Variants in XRN2 observed in about 807,000 individuals in gnomAD.
The protein encoded by XRN2 is 5'-3' exoribonuclease 2, also known as DHM1-like protein.
In XRN2, 44 loss-of-function variants were observed where a neutral mutation model predicts 138.5. That is an observed-to-expected ratio of 0.32 (90% confidence interval 0.25 to 0.41). XRN2 has a LOEUF of 0.41. XRN2 is among the 10% of genes least tolerant of loss of function. The pLI is 1.00. For missense variants in XRN2, 937 were observed against 1,169.3 expected (o/e 0.80, Z 2.90); for synonymous variants, 354 against 369.4 (o/e 0.96, Z 0.48).
intron 1 of XRN2, among the ~76,000 whole-genome samples, chr20:21,319,017 TG>T (rs2038000382): frequency 6.6e-6 from 1 of 152,148 alleles, no homozygotes; most frequent in African/African-American, 2.4e-5. Context: ...CAGCTATCAT[TG>T]TTGAATTGCC....
chr20:21,334,965 A>G (rs1400460280), intron 13 of XRN2, among the ~76,000 whole-genome samples: 1 of 152,334 alleles, frequency 6.6e-6, no homozygotes, highest in East Asian at 1.9e-4. Flanking sequence ...AATGGAAGAT[A>G]CTTGAAACTA....
chr20:21,333,635 A>AT lies in XRN2; in HGVS notation c.933+19dup. ...CTTCGTGAGGTATGTAGCAATAATCATTGAAATCAGCACTCTAAAGCAGGG... is the reference window on the plus strand; with the variant it reads ...CTTCGTGAGGTATGTAGCAATAATCATTTGAAATCAGCACTCTAAAGCAGGG... On this transcript the variant is annotated intron_variant, in intron 10 of 29. Coordinates refer to ENST00000377191, the MANE Select transcript of XRN2 (RefSeq NM_012255.5). The AT allele has an allele frequency of 6.2e-7, 1 of 1,613,660 alleles. No individual in the cohort carries two copies. Among genetic ancestry groups the AT allele is most frequent in the Non-Finnish European group, 8.5e-7 (1 of 1,179,582 alleles).
rs1481820554 is a variant in XRN2 at position 21,331,565 on chromosome 20, T to C, written c.581T>C (p.Ile194Thr). The C allele has an allele frequency of 6.2e-7, 1 of 1,611,168 alleles. No individual in the cohort carries two copies. Among genetic ancestry groups the C allele is most frequent in the Non-Finnish European group, 8.5e-7 (1 of 1,179,378 alleles). The stretch of plus-strand genomic sequence containing the variant: ...GTGTTAACAATTTTTTTATAGGTTA[T>C]TTTATCTGATGCTAGTGCTCCTGGT... ...NDPGWKNLTV[I>T]LSDASAPGEG... Residue 194 changes from isoleucine to threonine, a missense_variant, in exon 7 of 30, where the codon ATT becomes ACT. Ile to Thr is a moderately conservative substitution (Grantham distance 89). Transcript: ENST00000377191.
Position 21,389,363 on chromosome 20 carries a change from C to G in XRN2, c.*25C>G, listed in dbSNP as rs756010189. ...AGCTTTTGTAAAGCTTTCCCAAATC[C>G]TTTCATCATTCTACAGTTTTATGCT... On this transcript the variant is annotated 3_prime_UTR_variant, in exon 30 of 30. Transcript: ENST00000377191. 1 of 1,600,096 alleles carries G rather than the reference C, an allele frequency of 6.2e-7. No individual in the cohort carries two copies. Among genetic ancestry groups the G allele is most frequent in the South Asian group, 1.1e-5 (1 of 88,352 alleles).
intron 16 of XRN2, 46 bp from the exon 17 acceptor site, chr20:21,346,369 C>T (rs1432010832): frequency 3.1e-6 from 5 of 1,606,092 alleles, no homozygotes; most frequent in Non-Finnish European, 3.4e-6. Flanking sequence ...CAGCCTGTTA[C>T]TGAAGGTGTG....
chr20:21,331,011 A>C (rs1029779362), intron 6 of XRN2, among the ~76,000 whole-genome samples: 2 of 152,356 alleles, frequency 1.3e-5, no homozygotes, highest in Middle Eastern at 3.4e-3. Context: ...CCATTATTAC[A>C]TATCAATATA....
At chr20:21,338,474 G>A (rs1413236086) in intron 13 of XRN2, among the ~76,000 whole-genome samples, 2 of 151,956 alleles carry the variant, frequency 1.3e-5, no homozygotes, top group African/African-American at 4.8e-5. Flanking sequence ...TTTTTCCATC[G>A]GATTGATATT....
chr20:21,304,809 G>C (rs1600664588), intron 1 of XRN2, among the ~76,000 whole-genome samples: 1 of 152,204 alleles, frequency 6.6e-6, no homozygotes, highest in Non-Finnish European at 1.5e-5. Context: ...TGCTTTCTAA[G>C]GTCGATCTTA....
intron 8 of XRN2, 143 bp downstream of exon 8, chr20:21,331,961 G>T: frequency 2.2e-6 from 2 of 915,602 alleles, no homozygotes; most frequent in Non-Finnish European, 3.4e-6. Flanking sequence ...AACTAGTATT[G>T]AGTTGCTGTT....
rs1391944018 is a variant in XRN2 at position 21,386,887 on chromosome 20, C to T, written c.2668C>T (p.Leu890=). ...RFDRGVGAEP[L]LPWNRMLQTQ... ...CTACAGAGGCGTTGGGGCTGAACCT[C>T]TGCTCCCATGGAACCGGATGCTGCA... The change falls in exon 29 of 30, where the codon CTG becomes TTG. Residue 890 remains leucine (L), a synonymous_variant. Coordinates refer to ENST00000377191, the MANE Select transcript of XRN2 (RefSeq NM_012255.5). 3 of 1,613,566 alleles carry T rather than the reference C, an allele frequency of 1.9e-6. No homozygotes were observed. The highest frequency in any genetic ancestry group is 1.1e-5 in the South Asian group (1 of 91,074).
intron 3 of XRN2, 92 bp from the exon 4 acceptor site, chr20:21,328,467 C>A: frequency 8.2e-7 from 1 of 1,223,264 alleles, no homozygotes. Flanking sequence ...TTTTAGTGTA[C>A]TGCTTTTATA....
intron 1 of XRN2, among the ~76,000 whole-genome samples, chr20:21,307,997 T>C (rs1278432606): frequency 2.7e-5 from 2 of 75,306 alleles, no homozygotes; most frequent in African/African-American, 3.6e-5. Flanking sequence ...AGTGCAGTGG[T>C]GCGATCTCGG....
rs930586937 is a variant in XRN2 at position 21,364,625 on chromosome 20, G to T, written c.2256-796G>T. Among the ~76,000 whole-genome samples, 4 of 152,168 alleles carry T rather than the reference G, an allele frequency of 2.6e-5. No homozygotes were observed. In the South Asian group the frequency reaches 8.3e-4, roughly 32 times the overall value. On this transcript the variant is annotated intron_variant, in intron 24 of 29. Coordinates refer to ENST00000377191, the MANE Select transcript of XRN2 (RefSeq NM_012255.5). ...AGTTCAAGGCCATCCTGGGCCATGT[G>T]GGGAAACCCCATCTCTACAAAAAAT...
Position 21,303,370 on chromosome 20 carries a change from T to C in XRN2, c.-29T>C, listed in dbSNP as rs1373752314. 1.8e-5 allele frequency: 28 copies of C among 1,542,004 alleles called. No homozygotes were observed. Among genetic ancestry groups the C allele is most frequent in the Non-Finnish European group, 2.4e-5 (28 of 1,144,130 alleles). On this transcript the variant is annotated 5_prime_UTR_variant, in exon 1 of 30. Coordinates refer to ENST00000377191, the MANE Select transcript of XRN2 (RefSeq NM_012255.5). ...CTCTTTGGTTACGCTCGTCAGCCGG[T>C]CGGCCGCCGCCTCCAGCCGTGTGCC...
At position 21,368,525 on chromosome 20, in the gene XRN2, C is replaced by T; in HGVS notation, c.2519C>T (p.Thr840Ile). ...AGCAATGCTGCACCACCACCTGTGA[C>T]TTACCAGGGAAACTTATACAGGCCG... ...IYSNAAPPPV[T>I]YQGNLYRPLL... The change falls in exon 27 of 30, where the codon ACT (threonine) becomes ATT (isoleucine). Residue 840 changes from threonine to isoleucine, a missense_variant. Physicochemically the swap from Thr to Ile is moderately conservative, Grantham distance 89. This residue lies in a region of XRN2 where 372 missense variants were observed against 414.4 expected (regional missense o/e 0.90). Transcript: ENST00000377191. The T allele has an allele frequency of 1.2e-6, 2 of 1,614,096 alleles. No individual in the cohort carries two copies. The highest frequency in any genetic ancestry group is 2.2e-5 in the South Asian group (2 of 91,080).
rs147058981 is a variant in XRN2 at position 21,349,537 on chromosome 20, T to G, written c.1936+76T>G. 911 of 1,214,144 alleles carry G rather than the reference T, an allele frequency of 7.5e-4. 12 individuals carry two copies. In the East Asian group the frequency reaches 0.02, roughly 27 times the overall value. The allele number at this position is 1,214,144 out of a possible 1,614,324, so 75.2% of individuals were successfully genotyped here. ...TGAAATGAAATAATTCTGTAAAAGATAAATATTTTAGCCTGGGCAACATGG... is the reference window on the plus strand; with the variant it reads ...TGAAATGAAATAATTCTGTAAAAGAGAAATATTTTAGCCTGGGCAACATGG... On this transcript the variant is annotated intron_variant, in intron 20 of 29. Coordinates refer to ENST00000377191, the MANE Select transcript of XRN2 (RefSeq NM_012255.5).
At chr20:21,318,571 T>G (rs1021168240) in intron 1 of XRN2, among the ~76,000 whole-genome samples, 55 of 152,232 alleles carry the variant, frequency 3.6e-4, no homozygotes, top group African/African-American at 1.3e-3. Flanking sequence ...AGATATTTCT[T>G]AATCTAAGCA....
chr20:21,350,132 T>A (rs2038487053), intron 20 of XRN2, among the ~76,000 whole-genome samples: 1 of 152,220 alleles, frequency 6.6e-6, no homozygotes, highest in South Asian at 2.1e-4. Context: ...TTCATTCCAT[T>A]AACAGATTTT....
intron 24 of XRN2, among the ~76,000 whole-genome samples, chr20:21,360,445 TGTTGTTAG>T (rs1394833815): frequency 2.0e-5 from 3 of 151,430 alleles, no homozygotes; most frequent in Non-Finnish European, 4.4e-5. Flanking sequence ...CCAGCAGTAG[TGTTGTTAG>T]GTTGTTTTTT....
Sources: gnomAD v4.1 joint callset for allele counts (sites outside exome capture counted in the v4.1 genomes callset) on GRCh38, gnomAD v4.1.1 for gene constraint, gnomAD v4.1.1 regional missense constraint, MANE v1.5 for transcripts, NCBI Gene and HGNC (gene_info 2026-07-23, HGNC 2026-07-21) for gene names.